TLN1: variants seen among roughly 807,000 people sequenced by gnomAD.
The protein encoded by TLN1 is talin-1.
In TLN1, 56 loss-of-function variants were observed where a neutral mutation model predicts 292.3. The ratio of observed to expected loss-of-function variants is 0.19; its 90% CI spans 0.15 to 0.24. TLN1 has a LOEUF of 0.24. TLN1 is among the 10% of genes least tolerant of loss of function. The pLI is 1.00. For synonymous variants in TLN1, 1,119 were observed against 1,253.7 expected (o/e 0.89, Z 2.27); for missense variants, 2,433 against 3,248.2 (o/e 0.75, Z 6.10).
Position 35,724,756 on chromosome 9 carries a change from G to C in TLN1, c.359-32C>G, listed in dbSNP as rs1825939194. The stretch of plus-strand genomic sequence containing the variant: ...AAGGAGATGGCTTGTTAGCTTCCCA[G>C]GTACTGCATCCATGCCTTTTGAGAG... On this transcript the variant is annotated intron_variant, in intron 4 of 56. Transcript: ENST00000314888. This position sits in a 1 kb window ranked among gnomAD's most constrained non-coding sequence, Gnocchi z 4.7. The C allele has an allele frequency of 1.2e-6, 2 of 1,613,820 alleles. No individual in the cohort carries two copies. The highest frequency in any genetic ancestry group is 8.5e-7 in the Non-Finnish European group (1 of 1,179,798).
chr9:35,713,065 G>C lies in TLN1; in HGVS notation c.3353-22C>G. 4 of 1,584,784 alleles carry C rather than the reference G, an allele frequency of 2.5e-6. No individual in the cohort carries two copies. The South Asian group carries it at 4.5e-5, about 18-fold the overall frequency. On this transcript the variant is annotated intron_variant, in intron 26 of 56. Transcript: ENST00000314888. ...ATACCTTGGGAGATGAGGAGAAAGA[G>C]GGAAGGGAAGGTGCTTTCATTGCCA...
chr9:35,726,425 T>A (rs1441765082), intron 1 of TLN1, among the ~76,000 whole-genome samples: 2 of 152,204 alleles, frequency 1.3e-5, no homozygotes, highest in African/African-American at 4.8e-5. Flanking sequence ...TGGTTCAGTA[T>A]TTTTCTCTCT....
intron 1 of TLN1, among the ~76,000 whole-genome samples, chr9:35,727,781 G>A (rs1002702414): frequency 6.6e-5 from 10 of 151,978 alleles, no homozygotes; most frequent in African/African-American, 1.2e-4. Flanking sequence ...CATTTCCTCT[G>A]GACACTTAGA....
At position 35,724,583 on chromosome 9, in the gene TLN1, G is replaced by A; in HGVS notation, c.500C>T (p.Thr167Ile). ...KMEKLKQKLH[T>I]DDELNWLDHG... ...CTAGTTCTGCTTACACTCATCATCT[G>A]TGTGCAATTTCTGCTTTAGTTTCTC... The change falls in exon 5 of 57, where the codon ACA becomes ATA. Residue 167 changes from threonine (T) to isoleucine (I), a missense_variant. Around this residue, in one of 7 missense-constraint regions of TLN1, gnomAD observed 155 missense variants for 287.9 expected, o/e 0.54. Coordinates refer to ENST00000314888, the MANE Select transcript of TLN1 (RefSeq NM_006289.4). This position sits in a 1 kb window ranked among gnomAD's most constrained non-coding sequence, Gnocchi z 4.7. 1 of 1,614,020 alleles carries A rather than the reference G, an allele frequency of 6.2e-7. No individual in the cohort carries two copies. Among genetic ancestry groups the A allele is most frequent in the East Asian group, 2.2e-5 (1 of 44,880 alleles).
At position 35,712,127 on chromosome 9, in the gene TLN1, G is replaced by A. The variant is rs1025221999; in HGVS notation, c.3562-3C>T. ...GCCTGGGTCACTGCTTTAGCCACCT[G>A]GGGTGAGAAAGGAGACAGGGTTGCC... On this transcript the variant is annotated splice_region_variant and splice_polypyrimidine_tract_variant and intron_variant, in intron 27 of 56. Coordinates refer to ENST00000314888, the MANE Select transcript of TLN1 (RefSeq NM_006289.4). 12 of 1,611,906 alleles carry A rather than the reference G, an allele frequency of 7.4e-6. No individual in the cohort carries two copies. Among genetic ancestry groups the A allele is most frequent in the South Asian group, 2.2e-5 (2 of 90,764 alleles).
At position 35,725,548 on chromosome 9, in the gene TLN1, G is replaced by A. The variant is rs189416528; in HGVS notation, c.130+17C>T. On this transcript the variant is annotated intron_variant, in intron 2 of 56. Coordinates refer to ENST00000314888, the MANE Select transcript of TLN1 (RefSeq NM_006289.4). Reference sequence around the variant, plus strand: ...ACTGAAGACTCCCACTCCAGCCACCGGGGGAGTCAGACTCACGAGGACCAG... The same window carrying A: ...ACTGAAGACTCCCACTCCAGCCACCAGGGGAGTCAGACTCACGAGGACCAG... 1.1e-5 allele frequency: 17 copies of A among 1,608,742 alleles called. No individual in the cohort carries two copies. Among genetic ancestry groups the A allele is most frequent in the East Asian group, 6.7e-5 (3 of 44,714 alleles).
chr9:35,723,045 A>C (rs1825904132), intron 7 of TLN1, 124 bp from the exon 8 acceptor site: 17 of 747,488 alleles, frequency 2.3e-5, no homozygotes, highest in South Asian at 2.2e-4. Context: ...GAGAAAAAAG[A>C]CTCTGAGGGA....
Position 35,713,670 on chromosome 9 carries a change from C to T in TLN1, c.3249+283G>A, listed in dbSNP as rs543123046. On this transcript the variant is annotated intron_variant, in intron 25 of 56. Coordinates refer to ENST00000314888, the MANE Select transcript of TLN1 (RefSeq NM_006289.4). Reference sequence around the variant, plus strand: ...CTGCACTACAGTTTAGGTGACAGAGCGAGACTCCATCAAGAAAGAAAAAGA... The same window carrying T: ...CTGCACTACAGTTTAGGTGACAGAGTGAGACTCCATCAAGAAAGAAAAAGA... 2.8e-4 allele frequency among the ~76,000 whole-genome samples: 40 copies of T among 144,930 alleles called. 1 individual carries two copies. The highest frequency in any genetic ancestry group is 1.6e-3 in the Admixed American group (23 of 14,106).
At position 35,698,018 on chromosome 9, in the gene TLN1, C is replaced by T; in HGVS notation, c.7500+26G>A. The T allele has an allele frequency of 6.2e-7, 1 of 1,614,130 alleles. No homozygotes were observed. The highest frequency in any genetic ancestry group is 1.3e-5 in the African/African-American group (1 of 75,046). On this transcript the variant is annotated intron_variant, in intron 56 of 56. Transcript: ENST00000314888. This position sits in a 1 kb window ranked among gnomAD's most constrained non-coding sequence, Gnocchi z 5.3. ...AACATGACTGCCCTCCTGACAGCGT[C>T]CCTCAGCATCTGGGGTGAAGCTCAC...
In TLN1 at chr9:35,698,436, T is replaced by C. The variant is rs1825405683; in HGVS notation, c.7258A>G (p.Ser2420Gly). The C allele has an allele frequency of 6.2e-7, 1 of 1,614,188 alleles. No homozygotes were observed. The highest frequency in any genetic ancestry group is 8.5e-7 in the Non-Finnish European group (1 of 1,180,040). The change falls in exon 55 of 57, where the codon AGC (serine) becomes GGC (glycine). Residue 2420 changes from serine (S) to glycine (G), a missense_variant. This residue lies in a region of TLN1 where 141 missense variants were observed against 248.5 expected (regional missense o/e 0.57). Coordinates refer to ENST00000314888, the MANE Select transcript of TLN1 (RefSeq NM_006289.4). The surrounding 1 kb of genome is among the most constrained non-coding windows in gnomAD (Gnocchi z 5.3). ...AANAAVQGHASQEKLISSAKQ... is the reference protein window; with the variant it reads ...AANAAVQGHAGQEKLISSAKQ... ...GCTGATGAGATGAGCTTCTCCTGGCTGGCATGGCCTTGTACAGCTGCATTG... is the reference window on the plus strand; with the variant it reads ...GCTGATGAGATGAGCTTCTCCTGGCCGGCATGGCCTTGTACAGCTGCATTG...
At chr9:35,721,845 C>G in intron 9 of TLN1, 42 bp from the exon 10 acceptor site, 2 of 1,596,570 alleles carry the variant, frequency 1.3e-6, no homozygotes, top group Non-Finnish European at 1.7e-6. Context: ...GGTCAGAGGT[C>G]AAATGAGAGG....
In TLN1 at chr9:35,706,301, G is replaced by A. The variant is rs1825564117; in HGVS notation, c.5256C>T (p.Thr1752=). The change falls in exon 40 of 57, where the codon ACC becomes ACT. Residue 1752 remains threonine, a synonymous_variant. Transcript: ENST00000314888. The surrounding 1 kb of genome is among the most constrained non-coding windows in gnomAD (Gnocchi z 4.2). ...GTGCCATCTGCTGCGGGTGGCTCAG[G>A]GTCTTGGAGGCAGCACCCACTGCAG... The part of the protein sequence containing the change: ...TLAAVGAASK[T]LSHPQQMALL... 6.2e-7 allele frequency: 1 copy of A among 1,613,812 alleles called. No homozygotes were observed. The highest frequency in any genetic ancestry group is 8.5e-7 in the Non-Finnish European group (1 of 1,179,812).
At chr9:35,711,455 ATCT>A in intron 29 of TLN1, 61 bp from the exon 30 acceptor site, 3 of 1,610,082 alleles carry the variant, frequency 1.9e-6, no homozygotes, top group South Asian at 2.2e-5. Flanking sequence ...TCTAAAAGGG[ATCT>A]TCTTTCCCAG....
At position 35,699,529 on chromosome 9, in the gene TLN1, G is replaced by A; in HGVS notation, c.6769-68C>T. 6.6e-7 allele frequency: 1 copy of A among 1,526,196 alleles called. No homozygotes were observed. Among genetic ancestry groups the A allele is most frequent in the Non-Finnish European group, 8.8e-7 (1 of 1,132,910 alleles). 94.5% of individuals were successfully genotyped at this position (1,526,196 alleles called of 1,614,324 possible). On this transcript the variant is annotated intron_variant, in intron 50 of 56. Transcript: ENST00000314888. The surrounding 1 kb of genome is among the most constrained non-coding windows in gnomAD (Gnocchi z 4.0). The stretch of plus-strand genomic sequence containing the variant: ...GGGTCTACCCTGATCTATGAAATAG[G>A]GCAGACCATGGCCCCCTCACCCCTA...
At chr9:35,718,699 T>C in intron 17 of TLN1, 113 bp downstream of exon 17, 1 of 808,550 alleles carries the variant, frequency 1.2e-6, no homozygotes, top group Non-Finnish European at 2.1e-6. Flanking sequence ...GAAATAGAGG[T>C]TCAGATTGGT....
Position 35,713,707 on chromosome 9 carries a change from GGAAAA to G in TLN1, c.3249+241_3249+245del, listed in dbSNP as rs1280718414. Among the ~76,000 whole-genome samples, 10 of 133,758 alleles carry G rather than the reference GGAAAA, an allele frequency of 7.5e-5. No individual in the cohort carries two copies. The East Asian group carries it at 1.1e-3, about 14-fold the overall frequency. 87.8% of individuals were successfully genotyped at this position (133,758 alleles called of 152,430 possible). A position where few individuals can be genotyped will look rare whatever the true frequency, so the allele number is the denominator to read the frequency against. ...AAGAAAGAAAAAGAAATAAAAGAAC[GGAAAA>G]GAAAAGAAAAGAGAAAAGAAAAGAA... On this transcript the variant is annotated intron_variant, in intron 25 of 56. Transcript: ENST00000314888.
At position 35,706,871 on chromosome 9, in the gene TLN1, T is replaced by A; in HGVS notation, c.4985A>T (p.Glu1662Val). ...ACTGTTCAGAGCTGCAATGGCCGTT[T>A]CACACTCCAGCTGCCCTGGAGCCTT... is the stretch of plus-strand genomic sequence containing the variant. ...RDKAPGQLEC[E>V]TAIAALNSCL... is the part of the protein sequence containing the mutation. Residue 1662 changes from glutamate (E) to valine (V), a missense_variant, in exon 38 of 57, where the codon GAA (glutamate) becomes GTA (valine). By Grantham distance (121) the Glu-to-Val change is moderately radical (BLOSUM62 -2). Coordinates refer to ENST00000314888, the MANE Select transcript of TLN1 (RefSeq NM_006289.4). This position sits in a 1 kb window ranked among gnomAD's most constrained non-coding sequence, Gnocchi z 4.2. The A allele has an allele frequency of 6.2e-7, 1 of 1,614,050 alleles. No homozygotes were observed. Among genetic ancestry groups the A allele is most frequent in the Non-Finnish European group, 8.5e-7 (1 of 1,180,022 alleles).
intron 56 of TLN1, 36 bp from the exon 57 acceptor site, chr9:35,697,952 A>G: frequency 6.2e-7 from 1 of 1,613,976 alleles, no homozygotes; most frequent in Non-Finnish European, 8.5e-7. Context: ...TTCAGTGAGG[A>G]TGCACAGCAG....
At chr9:35,728,112 G>A (rs925445729) in intron 1 of TLN1, among the ~76,000 whole-genome samples, 2 of 152,100 alleles carry the variant, frequency 1.3e-5, no homozygotes, top group African/African-American at 4.8e-5. Context: ...ACATTCCTGC[G>A]ATGCATTCCA....
Sources: allele counts gnomAD v4.1 joint callset (sites outside exome capture counted in the v4.1 genomes callset), GRCh38; gene constraint gnomAD v4.1.1; regional missense constraint gnomAD v4.1.1; non-coding constraint Gnocchi (gnomAD v3.1); transcripts MANE v1.5; gene names NCBI Gene and HGNC (gene_info 2026-07-23, HGNC 2026-07-21).